AUTS2: variants seen among roughly 807,000 people sequenced by gnomAD.
AUTS2 encodes the protein activator of transcription and developmental regulator AUTS2.
AUTS2 carries 17 observed loss-of-function variants against 112.4 expected under a neutral mutation model. The observed-to-expected ratio is 0.15, with a 90% CI of 0.10 to 0.23. AUTS2 has a LOEUF of 0.23. Ranked by LOEUF, AUTS2 falls within the 10% of genes least tolerant of loss-of-function variation. The probability of loss-of-function intolerance (pLI) is 1.00; values close to 1 mark genes in which losing one functional copy is unlikely to be tolerated. For synonymous variants in AUTS2, 751 were observed against 702.7 expected, an observed-to-expected ratio of 1.07 and a Z score of -1.09; for missense variants, 1,510 against 1,701.6, an observed-to-expected ratio of 0.89 and a Z score of 1.98.
chr7:70,615,284 T>A (rs376175683), intron 5 of AUTS2, among the ~76,000 whole-genome samples: 1 of 152,142 alleles, frequency 6.6e-6, no homozygotes, highest in Non-Finnish European at 1.5e-5. Context: ...GATGTGTGTG[T>A]ACTTGTTAGA....
At chr7:70,430,107 C>T (rs540260223) in intron 4 of AUTS2, among the ~76,000 whole-genome samples, 1 of 152,134 alleles carries the variant, frequency 6.6e-6, no homozygotes, top group South Asian at 2.1e-4. Flanking sequence ...TAGCCATGGC[C>T]ACAGGGATGG....
At chr7:69,676,098 T>C (rs1287095658) in intron 1 of AUTS2, among the ~76,000 whole-genome samples, 1 of 152,160 alleles carries the variant, frequency 6.6e-6, no homozygotes, top group African/African-American at 2.4e-5. Flanking sequence ...GAACCAAAGG[T>C]TCTGGTGTTC....
intron 4 of AUTS2, among the ~76,000 whole-genome samples, chr7:70,178,049 G>A (rs1051343573): frequency 3.3e-5 from 5 of 151,676 alleles, no homozygotes; most frequent in African/African-American, 1.2e-4. Context: ...CCGAGTAGCT[G>A]GGGCTACAGG....
chr7:70,667,157 A>G (rs1400626481), intron 5 of AUTS2, among the ~76,000 whole-genome samples: 1 of 152,218 alleles, frequency 6.6e-6, no homozygotes, highest in African/African-American at 2.4e-5. Context: ...TACACTTGGC[A>G]TAAACATTAA....
rs527796278 is a variant in AUTS2, at chr7:69,808,046, G to A, written c.310-91240G>A. Among the ~76,000 whole-genome samples, 89 of 148,638 alleles carry A rather than the reference G, an allele frequency of 6.0e-4. 1 individual carries two copies. Among genetic ancestry groups the A allele is most frequent in the African/African-American group, 1.9e-3 (76 of 40,450 alleles). ...AAGCAGTTCTCCTACCTCAGCCTCCGGATCCTGAGTAGCTGGGACTACAGG... is the reference window on the plus strand; with the variant it reads ...AAGCAGTTCTCCTACCTCAGCCTCCAGATCCTGAGTAGCTGGGACTACAGG... On this transcript the variant is annotated intron_variant, in intron 1 of 18. Transcript: ENST00000342771.
chr7:70,693,137 G>A (rs977336775), intron 5 of AUTS2, among the ~76,000 whole-genome samples: 6 of 152,180 alleles, frequency 3.9e-5, no homozygotes, highest in African/African-American at 9.7e-5. Flanking sequence ...CTGCAGGTGT[G>A]GAATTAAAAC....
intron 4 of AUTS2, among the ~76,000 whole-genome samples, chr7:70,346,914 G>T (rs1791522100): frequency 6.6e-6 from 1 of 152,160 alleles, no homozygotes; most frequent in African/African-American, 2.4e-5. Flanking sequence ...AGCCCAAGAA[G>T]ACCACATGCC....
At chr7:69,972,095 A>G (rs1174381635) in intron 2 of AUTS2, among the ~76,000 whole-genome samples, 1 of 152,188 alleles carries the variant, frequency 6.6e-6, no homozygotes, top group Non-Finnish European at 1.5e-5. Context: ...CCAGCATGCA[A>G]TGATGTTGGT....
At chr7:69,623,921 C>A (rs541702680) in intron 1 of AUTS2, among the ~76,000 whole-genome samples, 1 of 152,122 alleles carries the variant, frequency 6.6e-6, no homozygotes, top group Non-Finnish European at 1.5e-5. Context: ...TATTCCTCCT[C>A]AAATCCCAAG....
chr7:69,629,776 G>A (rs1794142251), intron 1 of AUTS2, among the ~76,000 whole-genome samples: 1 of 152,084 alleles, frequency 6.6e-6, no homozygotes, highest in Non-Finnish European at 1.5e-5. Context: ...GCAAGGTGAT[G>A]GGACAGCTGG....
At chr7:69,819,999 A>G (rs185373429) in intron 1 of AUTS2, among the ~76,000 whole-genome samples, 2 of 152,336 alleles carry the variant, frequency 1.3e-5, no homozygotes, top group Admixed American at 6.5e-5. Flanking sequence ...AGACTGTTCT[A>G]CCTAAGACTT....
chr7:70,180,127 C>T (rs1358402546), intron 4 of AUTS2, among the ~76,000 whole-genome samples: 1 of 152,150 alleles, frequency 6.6e-6, no homozygotes, highest in Non-Finnish European at 1.5e-5. Context: ...AAAATTGTAT[C>T]CTCCAGGGAA....
At chr7:70,152,104 T>A (rs1192384875) in intron 4 of AUTS2, among the ~76,000 whole-genome samples, 2 of 152,140 alleles carry the variant, frequency 1.3e-5, no homozygotes, top group Non-Finnish European at 2.9e-5. Context: ...ATTAGTTAAC[T>A]TGAATTCATA....
intron 4 of AUTS2, among the ~76,000 whole-genome samples, chr7:70,226,317 C>T (rs2129594400): frequency 6.6e-6 from 1 of 151,810 alleles, no homozygotes; most frequent in East Asian, 1.9e-4. Context: ...CCTCAGCCTC[C>T]CAAGTAGCTG....
intron 2 of AUTS2, among the ~76,000 whole-genome samples, chr7:69,993,873 A>G (rs558224053): frequency 1.8e-4 from 28 of 152,170 alleles, no homozygotes; most frequent in Non-Finnish European, 4.0e-4. Context: ...ATAAAGTAGT[A>G]GTAGTTATCC....
intron 1 of AUTS2, among the ~76,000 whole-genome samples, chr7:69,842,717 A>G (rs1000874): frequency 0.1 from 15,144 of 152,158 alleles, 1,204 homozygotes; most frequent in African/African-American, 0.22. Context: ...CACTGGGACT[A>G]TTCTTTTGGT....
At chr7:70,269,829 A>G (rs1263667300) in intron 4 of AUTS2, among the ~76,000 whole-genome samples, 1 of 152,094 alleles carries the variant, frequency 6.6e-6, no homozygotes, top group Non-Finnish European at 1.5e-5. Flanking sequence ...GAGCCCTACT[A>G]TTTGCTATTG....
chr7:70,641,757 GTAGA>G (rs1412432740), intron 5 of AUTS2, among the ~76,000 whole-genome samples: 1 of 152,182 alleles, frequency 6.6e-6, no homozygotes, highest in South Asian at 2.1e-4. Context: ...ACCTTGTCAA[GTAGA>G]TAGTGTTCTT....
chr7:69,795,528 C>G (rs1789804185), intron 1 of AUTS2, among the ~76,000 whole-genome samples: 1 of 152,084 alleles, frequency 6.6e-6, no homozygotes, highest in Admixed American at 6.6e-5. Flanking sequence ...CAAAAAATTA[C>G]TCTTGCAACT....
Sources: gnomAD v4.1 joint callset for allele counts (sites outside exome capture counted in the v4.1 genomes callset) on GRCh38, gnomAD v4.1.1 for gene constraint, MANE v1.5 for transcripts, NCBI Gene and HGNC (gene_info 2026-07-23, HGNC 2026-07-21) for gene names.